MYO5B: variants seen among roughly 807,000 people sequenced by gnomAD.
MYO5B encodes myosin VB.
Under a neutral mutation model 229.3 loss-of-function variants are expected in MYO5B, and 143 were observed. The ratio of observed to expected loss-of-function variants is 0.62; its 90% CI spans 0.54 to 0.72. MYO5B has a LOEUF of 0.72. Ranked by LOEUF, MYO5B falls within the 30% of genes least tolerant of loss-of-function variation. The pLI is 0.00. For synonymous variants in MYO5B, 918 were observed against 885.2 expected (o/e 1.04, Z -0.66); for missense variants, 2,321 against 2,331.0 (o/e 1.00, Z 0.09).
At chr18:50,181,586 A>G (rs2033074557) in intron 1 of MYO5B, among the ~76,000 whole-genome samples, 1 of 152,258 alleles carries the variant, frequency 6.6e-6, no homozygotes, top group South Asian at 2.1e-4. Flanking sequence ...ACACACCATC[A>G]GGTTTGAAGC....
intron 1 of MYO5B, among the ~76,000 whole-genome samples, chr18:50,107,109 CTTTTTTTTTTTT>C (rs71169479): frequency 1.7e-3 from 98 of 56,650 alleles, no homozygotes; most frequent in African/African-American, 5.7e-3. Flanking sequence ...CTTAGGGTGC[CTTTTTTTTTTTT>C]TTTTTTTTTT....
At chr18:49,834,095 A>G (rs1199438912) in intron 39 of MYO5B, among the ~76,000 whole-genome samples, 1 of 151,910 alleles carries the variant, frequency 6.6e-6, no homozygotes, top group Non-Finnish European at 1.5e-5. Context: ...GCTCTTTTCA[A>G]ACCCCTTTTT....
chr18:49,937,223 T>G (rs533221881), intron 15 of MYO5B, 22 bp downstream of exon 15: 3 of 1,613,836 alleles, frequency 1.9e-6, no homozygotes, highest in Admixed American at 1.7e-5. Flanking sequence ...CCTCAGCCCA[T>G]AGCTTTTGGT....
Position 50,194,749 on chromosome 18 carries a change from C to T in MYO5B, c.27+18G>A, listed in dbSNP as rs1156975771. On this transcript the variant is annotated intron_variant, in intron 1 of 39. Coordinates refer to ENST00000285039, the MANE Select transcript of MYO5B (RefSeq NM_001080467.3). ...CGCCACCCCGGCCCCGGGGCGCCTC[C>T]CTCGCGGCCGCGCTCACCTGGCTGT... The T allele has an allele frequency of 3.4e-6, 5 of 1,477,918 alleles. No homozygotes were observed. Among genetic ancestry groups the T allele is most frequent in the East Asian group, 5.8e-5 (2 of 34,558 alleles). The allele number at this position is 1,477,918 out of a possible 1,614,324, so 91.6% of individuals were successfully genotyped here. A position where few individuals can be genotyped will look rare whatever the true frequency, so the allele number is the denominator to read the frequency against.
intron 1 of MYO5B, among the ~76,000 whole-genome samples, chr18:50,113,159 C>T (rs1338502758): frequency 6.6e-6 from 1 of 152,166 alleles, no homozygotes; most frequent in Non-Finnish European, 1.5e-5. Context: ...AGTTTCCCAT[C>T]CATTCTCAAA....
chr18:49,887,817 A>T (rs1490782809), intron 22 of MYO5B, among the ~76,000 whole-genome samples: 1 of 150,652 alleles, frequency 6.6e-6, no homozygotes, highest in Admixed American at 6.7e-5. Flanking sequence ...AGTAGCTGCG[A>T]TTACAGGCAT....
chr18:50,149,862 C>G (rs1034879166), intron 1 of MYO5B, among the ~76,000 whole-genome samples: 34 of 150,364 alleles, frequency 2.3e-4, no homozygotes, highest in Admixed American at 1.3e-4. Context: ...TGCTTCTGCA[C>G]AGCAAAAGAA....
intron 4 of MYO5B, among the ~76,000 whole-genome samples, chr18:50,033,910 C>G (rs922864620): frequency 6.7e-6 from 1 of 149,826 alleles, no homozygotes. Context: ...TCCTGGAACT[C>G]TTGGGGGGTG....
At chr18:50,060,631 G>A (rs375673996) in intron 1 of MYO5B, among the ~76,000 whole-genome samples, 2 of 152,230 alleles carry the variant, frequency 1.3e-5, no homozygotes, top group East Asian at 3.8e-4. Flanking sequence ...AGAGAAGGCA[G>A]ATGCCTACAT....
rs74755062 is a variant in MYO5B at position 50,167,740 on chromosome 18, C to T, written c.27+27027G>A. 8.3e-3 allele frequency among the ~76,000 whole-genome samples: 1,270 copies of T among 152,246 alleles called. 28 individuals are homozygous for T. Among genetic ancestry groups the T allele is most frequent in the African/African-American group, 0.027 (1,134 of 41,538 alleles). On this transcript the variant is annotated intron_variant, in intron 1 of 39. Coordinates refer to ENST00000285039, the MANE Select transcript of MYO5B (RefSeq NM_001080467.3). Reference sequence around the variant, plus strand: ...TCCCCAGCTGAGAAAGGCAATGATCCATAGGCAAGAGATTATCTCCTATGC... The same window carrying T: ...TCCCCAGCTGAGAAAGGCAATGATCTATAGGCAAGAGATTATCTCCTATGC...
chr18:50,189,011 T>C (rs180854124), intron 1 of MYO5B, among the ~76,000 whole-genome samples: 1 of 152,092 alleles, frequency 6.6e-6, no homozygotes, highest in African/African-American at 2.4e-5. Context: ...ATCAACGGAA[T>C]TGGAACTAGG....
chr18:49,932,689 A>AC (rs2025206747), intron 16 of MYO5B, among the ~76,000 whole-genome samples: 2 of 152,206 alleles, frequency 1.3e-5, no homozygotes, highest in South Asian at 2.1e-4. Flanking sequence ...AAACAAACAA[A>AC]AAAACAAGAA....
At chr18:49,860,522 G>A (rs2024316842) in intron 29 of MYO5B, among the ~76,000 whole-genome samples, 1 of 152,170 alleles carries the variant, frequency 6.6e-6, no homozygotes, top group East Asian at 1.9e-4. Context: ...TCCTCTCAGA[G>A]CAGCTCCTCA....
In MYO5B at chr18:49,890,648, G is replaced by C. The variant is rs144922528; in HGVS notation, c.3045+4293C>G. On this transcript the variant is annotated intron_variant, in intron 22 of 39. Transcript: ENST00000285039. ...TATTAGTACTATAAGAAGACCCAGC[G>C]CAAGGTTTCTAGTAGCAAACATGGG... Among the ~76,000 whole-genome samples the C allele has an allele frequency of 1.2e-4, 18 of 152,248 alleles. No individual in the cohort carries two copies. The East Asian group carries it at 3.3e-3, about 28-fold the overall frequency.
In MYO5B at chr18:49,996,219, T is replaced by G. The variant is rs1237569597; in HGVS notation, c.613-3788A>C. Among the ~76,000 whole-genome samples, 6 of 152,208 alleles carry G rather than the reference T, an allele frequency of 3.9e-5. No homozygotes were observed. The East Asian group carries it at 9.6e-4, about 24-fold the overall frequency. On this transcript the variant is annotated intron_variant, in intron 5 of 39. Coordinates refer to ENST00000285039, the MANE Select transcript of MYO5B (RefSeq NM_001080467.3). ...TTACTAGGCTACTTTGCAAAGTGAT[T>G]GATAGATCTAAAAGTACTGGAACAA...
At chr18:50,015,099 A>G (rs2144349192) in intron 4 of MYO5B, among the ~76,000 whole-genome samples, 1 of 152,336 alleles carries the variant, frequency 6.6e-6, no homozygotes, top group South Asian at 2.1e-4. Flanking sequence ...AGGGAAGCTG[A>G]AAGATAGGAA....
chr18:49,881,200 G>T (rs756489286), intron 22 of MYO5B, among the ~76,000 whole-genome samples: 1 of 152,116 alleles, frequency 6.6e-6, no homozygotes, highest in African/African-American at 2.4e-5. Context: ...TCATGTTTTT[G>T]TATTTGTTTG....
intron 39 of MYO5B, among the ~76,000 whole-genome samples, chr18:49,826,964 G>C (rs1191366032): frequency 3.3e-5 from 5 of 151,188 alleles, no homozygotes; most frequent in African/African-American, 1.2e-4. Flanking sequence ...TTTTTTTTTA[G>C]GTAGACAGCT....
intron 3 of MYO5B, among the ~76,000 whole-genome samples, chr18:50,037,472 G>C (rs1361400619): frequency 6.6e-6 from 1 of 152,184 alleles, no homozygotes; most frequent in Non-Finnish European, 1.5e-5. Context: ...CATATCTTGA[G>C]ATCTAATCTT....
Sources: allele counts gnomAD v4.1 joint callset (sites outside exome capture counted in the v4.1 genomes callset), GRCh38; gene constraint gnomAD v4.1.1; transcripts MANE v1.5; gene names NCBI Gene and HGNC (gene_info 2026-07-23, HGNC 2026-07-21).